Variants in TAF4 observed in about 807,000 individuals in gnomAD.
TAF4 encodes transcription initiation factor TFIID subunit 4.
In TAF4, 9 loss-of-function variants were observed where a neutral mutation model predicts 90.3. That is an observed-to-expected ratio of 0.10 (90% CI 0.06 to 0.17). TAF4 has a LOEUF of 0.17. Ranked by LOEUF, TAF4 falls within the 10% of genes least tolerant of loss-of-function variation. TAF4 has a pLI of 1.00. For synonymous variants in TAF4, 818 were observed against 638.9 expected (o/e 1.28, Z -4.23); for missense variants, 1,351 against 1,370.7 (o/e 0.99, Z 0.23).
At chr20:62,037,530 A>C (rs1208427200) in intron 1 of TAF4, 2 of 152,372 alleles carry the variant, frequency 1.3e-5, no homozygotes, top group Non-Finnish European at 2.9e-5. Flanking sequence ...CTTTACCGTG[A>C]GGATCGTCTC....
intron 14 of TAF4, among the ~76,000 whole-genome samples, chr20:61,993,506 C>G (rs1329151654): frequency 1.3e-5 from 2 of 152,166 alleles, no homozygotes; most frequent in African/African-American, 2.4e-5. Context: ...GAGGGCCCTA[C>G]AGATTTTTAA....
chr20:62,032,699 G>A (rs944262001), intron 1 of TAF4, among the ~76,000 whole-genome samples: 1 of 152,226 alleles, frequency 6.6e-6, no homozygotes, highest in East Asian at 1.9e-4. Context: ...ATGACTTACA[G>A]CAAAACGTCA....
intron 1 of TAF4, among the ~76,000 whole-genome samples, chr20:62,020,989 G>A (rs1400395484): frequency 6.6e-6 from 1 of 152,128 alleles, no homozygotes; most frequent in Non-Finnish European, 1.5e-5. Context: ...CAGACCACTG[G>A]GAAGGAAAGA....
chr20:62,026,415 G>A (rs1210186952), intron 1 of TAF4, among the ~76,000 whole-genome samples: 1 of 152,188 alleles, frequency 6.6e-6, no homozygotes, highest in Admixed American at 6.5e-5. Flanking sequence ...GGGGTTCTCA[G>A]CTCCCAGCCT....
intron 1 of TAF4, among the ~76,000 whole-genome samples, chr20:62,051,623 G>A (rs1279528675): frequency 2.0e-5 from 3 of 151,870 alleles, no homozygotes. Flanking sequence ...GATCCACAGA[G>A]GCCACCCTCC....
intron 6 of TAF4, among the ~76,000 whole-genome samples, 196 bp downstream of exon 6, chr20:62,007,351 A>G (rs2055752610): frequency 6.6e-6 from 1 of 152,192 alleles, no homozygotes; most frequent in Non-Finnish European, 1.5e-5. Context: ...CCACCGTGTC[A>G]GGGGAGCTCC....
In TAF4 at chr20:61,977,737, A is replaced by T. The variant is rs567027708; in HGVS notation, c.3091-1402T>A. On this transcript the variant is annotated intron_variant, in intron 14 of 14. Coordinates refer to ENST00000252996, the MANE Select transcript of TAF4 (RefSeq NM_003185.4). ...CCTCCGCACTCCACACTAGCTCATT[A>T]TAAAGTGATCCGCACCTGAGGGCCA... Among the ~76,000 whole-genome samples the T allele has an allele frequency of 1.1e-4, 17 of 152,354 alleles. 1 individual carries two copies. Among genetic ancestry groups the T allele is most frequent in the African/African-American group, 3.8e-4 (16 of 41,592 alleles).
chr20:62,007,724 C>G, intron 5 of TAF4, 88 bp from the exon 6 acceptor site: 1 of 1,271,078 alleles, frequency 7.9e-7, no homozygotes. Context: ...TCGTATTTTA[C>G]GGCTGATTCC....
At chr20:62,049,632 T>TACCCCAGCCCCGCACCCTGCCC (rs2056014641) in intron 1 of TAF4, among the ~76,000 whole-genome samples, 1 of 141,458 alleles carries the variant, frequency 7.1e-6, no homozygotes, top group Admixed American at 7.1e-5. Flanking sequence ...GATCCCTGCC[T>TACCCCAGCCCCGCACCCTGCCC]GCCCCAGCCC....
intron 14 of TAF4, among the ~76,000 whole-genome samples, chr20:61,992,919 T>C (rs1413165970): frequency 2.6e-5 from 4 of 152,184 alleles, no homozygotes; most frequent in African/African-American, 7.2e-5. Context: ...AGATGGATTA[T>C]GTGCAAGTCC....
At chr20:61,986,623 T>TA (rs957474165) in intron 14 of TAF4, among the ~76,000 whole-genome samples, 1 of 152,268 alleles carries the variant, frequency 6.6e-6, no homozygotes, top group African/African-American at 2.4e-5. Flanking sequence ...TGTGGTGTCA[T>TA]AAAGTCACCA....
intron 1 of TAF4, among the ~76,000 whole-genome samples, chr20:62,031,094 T>C (rs2145493300): frequency 6.6e-6 from 1 of 152,376 alleles, no homozygotes; most frequent in African/African-American, 2.4e-5. Context: ...TGGTATCACT[T>C]CTGCCTTCGT....
chr20:61,998,724 T>A (rs28382115), intron 12 of TAF4, among the ~76,000 whole-genome samples: 2,908 of 152,348 alleles, frequency 0.019, 45 homozygotes, highest in Non-Finnish European at 0.03. Context: ...TCTAGGAACA[T>A]GTGCTTCACA....
rs375111029 is a variant in TAF4 at position 61,990,686 on chromosome 20, A to G, written c.3090+6864T>C. Among the ~76,000 whole-genome samples, 425 of 152,350 alleles carry G rather than the reference A, an allele frequency of 2.8e-3. 17 individuals are homozygous for G. In the South Asian group the frequency reaches 0.076, roughly 27 times the overall value. ...CACACTGACCTGCCAGGGCTCCTGC[A>G]GCACAGGGCCTCACGCAGGAGAGAA... On this transcript the variant is annotated intron_variant, in intron 14 of 14. Transcript: ENST00000252996.
At chr20:62,059,635 T>G (rs6121889) in intron 1 of TAF4, among the ~76,000 whole-genome samples, 7,627 of 152,264 alleles carry the variant, frequency 0.05, 268 homozygotes, top group Non-Finnish European at 0.078. Context: ...TTTATTGCTA[T>G]CAAAGGCCTG....
rs1600870007 is a variant in TAF4, at chr20:62,064,866, G to A, written c.945C>T (p.Pro315=). ...CCGCGGGGCCCCCGGCGGCCGGGGC[G>A]GGGGCGGGGGCTGCCCCGGCGCTGC... ...NGGSAGAAPA[P]APAAGGPAGV... is the part of the protein sequence containing the mutation. Residue 315 remains proline (P), a synonymous_variant, in exon 1 of 15, where the codon CCC becomes CCT. Transcript: ENST00000252996. 3 of 937,634 alleles carry A rather than the reference G, an allele frequency of 3.2e-6. No individual in the cohort carries two copies. Among genetic ancestry groups the A allele is most frequent in the Admixed American group, 1.3e-4 (2 of 15,440 alleles). 58.1% of individuals were successfully genotyped at this position (937,634 alleles called of 1,614,324 possible).
At chr20:61,987,562 A>G (rs973265187) in intron 14 of TAF4, among the ~76,000 whole-genome samples, 8 of 152,146 alleles carry the variant, frequency 5.3e-5, no homozygotes, top group African/African-American at 1.4e-4. Flanking sequence ...AACCCAGAAC[A>G]CGGACAGCAC....
chr20:62,044,582 G>A (rs1192114250), intron 1 of TAF4, among the ~76,000 whole-genome samples: 1 of 152,148 alleles, frequency 6.6e-6, no homozygotes, highest in African/African-American at 2.4e-5. Context: ...AGAGTGCAAA[G>A]AAACCTTAAA....
chr20:62,064,347 A>G (rs1456775092), intron 1 of TAF4, 104 bp downstream of exon 1: 4 of 1,223,160 alleles, frequency 3.3e-6, no homozygotes, highest in Non-Finnish European at 4.1e-6. Flanking sequence ...CCACGGGCCT[A>G]CGGGACAGAT....
Sources: allele counts gnomAD v4.1 joint callset (sites outside exome capture counted in the v4.1 genomes callset), GRCh38; gene constraint gnomAD v4.1.1; transcripts MANE v1.5; gene names NCBI Gene and HGNC (gene_info 2026-07-23, HGNC 2026-07-21).